The following UVRAG variants were observed in gnomAD, a reference collection of about 807,000 sequenced individuals.
UVRAG encodes UV radiation resistance-associated gene protein.
Under a neutral mutation model 78.0 loss-of-function variants are expected in UVRAG, and 19 were observed. That is an observed-to-expected ratio of 0.24 (90% CI 0.17 to 0.36). The LOEUF is 0.36. Ranked by LOEUF, UVRAG falls within the 10% of genes least tolerant of loss-of-function variation. The pLI is 1.00. For missense variants in UVRAG, 740 were observed against 853.8 expected (o/e 0.87, Z 1.66); for synonymous variants, 323 against 324.6 (o/e 1.00, Z 0.05).
At chr11:76,017,600 C>G (rs774990062) in intron 12 of UVRAG, among the ~76,000 whole-genome samples, 1 of 151,978 alleles carries the variant, frequency 6.6e-6, no homozygotes, top group Non-Finnish European at 1.5e-5. Context: ...GGAAATTAAA[C>G]AGCTGAATAT....
intron 6 of UVRAG, among the ~76,000 whole-genome samples, chr11:75,946,020 A>C (rs1948581849): frequency 6.6e-6 from 1 of 152,112 alleles, no homozygotes; most frequent in African/African-American, 2.4e-5. Flanking sequence ...ATTGTTTACA[A>C]ACCAAGTTGT....
chr11:75,846,922 C>A (rs921942209), intron 1 of UVRAG, among the ~76,000 whole-genome samples: 1 of 152,040 alleles, frequency 6.6e-6, no homozygotes, highest in African/African-American at 2.4e-5. Context: ...CTCCCTTGTT[C>A]AGGCGATTCT....
intron 14 of UVRAG, among the ~76,000 whole-genome samples, chr11:76,136,747 C>G (rs1952604588): frequency 6.6e-6 from 1 of 151,778 alleles, no homozygotes; most frequent in Non-Finnish European, 1.5e-5. Context: ...GTCCTCCCAC[C>G]TTGGCCTCCC....
chr11:75,845,706 G>A (rs562627047), intron 1 of UVRAG, among the ~76,000 whole-genome samples: 1 of 152,286 alleles, frequency 6.6e-6, no homozygotes, highest in East Asian at 1.9e-4. Flanking sequence ...TATTTGAGGG[G>A]TGGAGCATGG....
At chr11:76,017,195 A>G (rs1370251471) in intron 12 of UVRAG, among the ~76,000 whole-genome samples, 2 of 152,170 alleles carry the variant, frequency 1.3e-5, no homozygotes, top group Non-Finnish European at 2.9e-5. Context: ...AGAATTGCTA[A>G]TGGTGGCAAA....
chr11:75,939,873 GCAA>G (rs1297567738), intron 6 of UVRAG, among the ~76,000 whole-genome samples: 1 of 152,162 alleles, frequency 6.6e-6, no homozygotes, highest in Non-Finnish European at 1.5e-5. Context: ...AGTTAAAACT[GCAA>G]CAAAACTGCC....
chr11:75,828,721 A>G (rs938045078), intron 1 of UVRAG, among the ~76,000 whole-genome samples: 82 of 120,798 alleles, frequency 6.8e-4, no homozygotes, highest in African/African-American at 2.9e-3. Flanking sequence ...GTGTATATAT[A>G]TGTGTGTGTG....
In UVRAG at chr11:76,100,118, T is replaced by C. The variant is rs115603127; in HGVS notation, c.1306-15806T>C. Among the ~76,000 whole-genome samples, 584 of 152,230 alleles carry C rather than the reference T, an allele frequency of 3.8e-3. 3 individuals carry two copies. The highest frequency in any genetic ancestry group is 0.013 in the African/African-American group (541 of 41,546). On this transcript the variant is annotated intron_variant, in intron 13 of 14. Coordinates refer to ENST00000356136, the MANE Select transcript of UVRAG (RefSeq NM_003369.4). Reference sequence around the variant, plus strand: ...ATTGTCCAGTCTGCTTTCCATAAGCTTAAACATCCAAATTTGGCTCTTACC... The same window carrying C: ...ATTGTCCAGTCTGCTTTCCATAAGCCTAAACATCCAAATTTGGCTCTTACC...
At chr11:76,101,965 T>C (rs1951886854) in intron 13 of UVRAG, among the ~76,000 whole-genome samples, 1 of 152,248 alleles carries the variant, frequency 6.6e-6, no homozygotes, top group Non-Finnish European at 1.5e-5. Flanking sequence ...AGTACGATGC[T>C]GTTTGGGTTA....
intron 12 of UVRAG, among the ~76,000 whole-genome samples, chr11:76,046,263 C>T (rs140413338): frequency 0.014 from 2,082 of 152,080 alleles, 51 homozygotes; most frequent in African/African-American, 0.047. Context: ...AGGAATAAAC[C>T]AAGTAAGAAG....
intron 8 of UVRAG, among the ~76,000 whole-genome samples, chr11:75,985,408 A>G (rs1230211122): frequency 1.3e-5 from 2 of 151,462 alleles, no homozygotes. Context: ...GTTTGGTTTG[A>G]CTGTCTTTTT....
At chr11:75,999,244 A>AG (rs1949764023) in intron 8 of UVRAG, among the ~76,000 whole-genome samples, 6 of 15,692 alleles carry the variant, frequency 3.8e-4, no homozygotes, top group Admixed American at 1.1e-3. Flanking sequence ...GAGAAAAAAA[A>AG]AAAAAAAGTC....
rs1952763336 is a variant in UVRAG at position 76,143,833 on chromosome 11, A to G, written c.*2420A>G. Among the ~76,000 whole-genome samples the G allele has an allele frequency of 6.6e-6, 1 of 152,238 alleles. No homozygotes were observed. The highest frequency in any genetic ancestry group is 2.4e-5 in the African/African-American group (1 of 41,450). On this transcript the variant is annotated 3_prime_UTR_variant, in exon 15 of 15. Transcript: ENST00000356136. The stretch of plus-strand genomic sequence containing the variant: ...CCTTTTAGTTTTGTAAATCACTAAG[A>G]AAATTGTTTGCTTGGAAGATATAAG...
chr11:76,140,073 C>G (rs1183697497), intron 14 of UVRAG, among the ~76,000 whole-genome samples: 82 of 17,604 alleles, frequency 4.7e-3, no homozygotes, highest in African/African-American at 0.022. Flanking sequence ...CTCCCTCCCT[C>G]CCTCCCTCCC....
chr11:76,062,444 A>G (rs970064377), intron 12 of UVRAG, among the ~76,000 whole-genome samples: 19 of 152,302 alleles, frequency 1.2e-4, no homozygotes, highest in Admixed American at 7.2e-4. Context: ...AGTGAAATCA[A>G]TCTCCTGTAA....
intron 6 of UVRAG, chr11:75,930,971 C>CTTTCTTTT (rs1948227236): frequency 6.7e-6 from 1 of 149,130 alleles, no homozygotes; most frequent in African/African-American, 2.5e-5. Context: ...TTCTTTCTTT[C>CTTTCTTTT]TTTCTTTCTT....
chr11:76,093,049 C>T (rs1320846888), intron 13 of UVRAG, among the ~76,000 whole-genome samples: 4 of 152,210 alleles, frequency 2.6e-5, no homozygotes, highest in African/African-American at 4.8e-5. Flanking sequence ...CAGCTTTCTA[C>T]GTATGGCTAG....
At chr11:76,126,817 CCCTCCCATATGCTGTTTACAAGACTTG>C (rs1435436948) in intron 14 of UVRAG, among the ~76,000 whole-genome samples, 1 of 152,046 alleles carries the variant, frequency 6.6e-6, no homozygotes, top group Non-Finnish European at 1.5e-5. Context: ...AAGACTAGAT[CCCTCCCATATGCTGTTTACAAGACTTG>C]GCTCCACAGT....
chr11:75,956,858 C>T (rs1948808996), intron 6 of UVRAG, among the ~76,000 whole-genome samples: 1 of 152,072 alleles, frequency 6.6e-6, no homozygotes, highest in Admixed American at 6.5e-5. Flanking sequence ...TTTTCCTGTG[C>T]TTATTGGCCA....
Sources: allele counts gnomAD v4.1 joint callset (sites outside exome capture counted in the v4.1 genomes callset), GRCh38; gene constraint gnomAD v4.1.1; transcripts MANE v1.5; gene names NCBI Gene and HGNC (gene_info 2026-07-23, HGNC 2026-07-21).